Variants in NCKAP5 observed in about 807,000 individuals in gnomAD.
NCKAP5 encodes the protein nck-associated protein 5.
NCKAP5 carries 92 observed loss-of-function variants against 167.0 expected under a neutral mutation model. The ratio of observed to expected loss-of-function variants is 0.55; its 90% CI spans 0.47 to 0.66. The LOEUF (loss-of-function observed/expected upper bound fraction) is 0.66. Among genes scored for constraint, NCKAP5 ranks in the 30% least tolerant of loss-of-function variants. NCKAP5 has a pLI of 0.00. For synonymous variants in NCKAP5, 891 were observed against 877.4 expected (o/e 1.02, Z -0.27); for missense variants, 2,378 against 2,315.0 (o/e 1.03, Z -0.56).
intron 3 of NCKAP5, among the ~76,000 whole-genome samples, chr2:133,421,114 C>T (rs979820203): frequency 1.3e-5 from 2 of 152,146 alleles, no homozygotes; most frequent in Non-Finnish European, 2.9e-5. Flanking sequence ...AAATGCAGAG[C>T]TAGACTCGCC....
At chr2:132,886,370 C>T (rs541387893) in intron 8 of NCKAP5, among the ~76,000 whole-genome samples, 33 of 152,302 alleles carry the variant, frequency 2.2e-4, no homozygotes, top group South Asian at 6.2e-4. Flanking sequence ...CTTAATACTT[C>T]GGCATGTACT....
At position 133,401,031 on chromosome 2, in the gene NCKAP5, G is replaced by C. The variant is rs556880792; in HGVS notation, c.70-97921C>G. Among the ~76,000 whole-genome samples, 5 of 152,282 alleles carry C rather than the reference G, an allele frequency of 3.3e-5. No homozygotes were observed. The East Asian group carries it at 9.7e-4, about 29-fold the overall frequency. ...GGGACCCTAGATAGTTTCCGGATGGGACCTGGTTGCTAGAGGAACCAACCA... is the reference window on the plus strand; with the variant it reads ...GGGACCCTAGATAGTTTCCGGATGGCACCTGGTTGCTAGAGGAACCAACCA... On this transcript the variant is annotated intron_variant, in intron 3 of 19. Transcript: ENST00000409261.
rs138720332 is a variant in NCKAP5 at position 132,959,877 on chromosome 2, T to C, written c.579+3843A>G. On this transcript the variant is annotated intron_variant, in intron 8 of 19. Coordinates refer to ENST00000409261, the MANE Select transcript of NCKAP5 (RefSeq NM_207363.3). ...TGAAAACCCAAACTTTTAAAATACATAGAAAATGCTACAGTCAGGCACTGA... is the reference window on the plus strand; with the variant it reads ...TGAAAACCCAAACTTTTAAAATACACAGAAAATGCTACAGTCAGGCACTGA... 5.4e-4 allele frequency among the ~76,000 whole-genome samples: 82 copies of C among 152,226 alleles called. 1 individual carries two copies. In the East Asian group the frequency reaches 0.015, roughly 28 times the overall value.
intron 6 of NCKAP5, among the ~76,000 whole-genome samples, chr2:133,128,358 T>G (rs1278721955): frequency 6.6e-6 from 1 of 152,226 alleles, no homozygotes; most frequent in Non-Finnish European, 1.5e-5. Context: ...GAATGCAGAT[T>G]GTCCTTCACA....
chr2:133,027,018 T>C lies in NCKAP5; in HGVS notation c.342-32779A>G, dbSNP rs184428803. The stretch of plus-strand genomic sequence containing the variant: ...CCTTACAAAGTGCTGTGAGTCATGC[T>C]GTTGAGAAGGGTGAGAGACTCACTT... On this transcript the variant is annotated intron_variant, in intron 6 of 19. Transcript: ENST00000409261. 3.3e-5 allele frequency among the ~76,000 whole-genome samples: 5 copies of C among 152,320 alleles called. No homozygotes were observed. In the East Asian group the frequency reaches 9.6e-4, roughly 29 times the overall value.
At chr2:133,518,434 A>G (rs1440227589) in intron 2 of NCKAP5, among the ~76,000 whole-genome samples, 1 of 132,292 alleles carries the variant, frequency 7.6e-6, no homozygotes, top group Non-Finnish European at 1.5e-5. Flanking sequence ...AGCTCACTGC[A>G]AGCTCCGCCT....
intron 2 of NCKAP5, among the ~76,000 whole-genome samples, chr2:133,524,277 C>T (rs977653968): frequency 6.6e-6 from 1 of 152,198 alleles, no homozygotes; most frequent in Middle Eastern, 3.2e-3. Context: ...GCAGCAACTA[C>T]CTTTCCTTAG....
chr2:133,541,109 T>C (rs1686198216), intron 2 of NCKAP5, among the ~76,000 whole-genome samples: 2 of 151,068 alleles, frequency 1.3e-5, no homozygotes, highest in Non-Finnish European at 2.9e-5. Flanking sequence ...AATATGCATG[T>C]CACAAATTAT....
intron 16 of NCKAP5, among the ~76,000 whole-genome samples, chr2:132,740,197 C>T (rs1408061022): frequency 2.0e-5 from 3 of 152,158 alleles, no homozygotes; most frequent in African/African-American, 7.2e-5. Flanking sequence ...TTCAGCCAAA[C>T]ATACAATGAG....
intron 1 of NCKAP5, among the ~76,000 whole-genome samples, chr2:133,564,678 C>T (rs190508048): frequency 6.6e-5 from 10 of 152,096 alleles, no homozygotes; most frequent in East Asian, 1.9e-4. Context: ...AGCCAAGGAA[C>T]GTGGAAGGAT....
At chr2:132,961,982 T>TA (rs2076525835) in intron 8 of NCKAP5, among the ~76,000 whole-genome samples, 1 of 152,200 alleles carries the variant, frequency 6.6e-6, no homozygotes, top group Non-Finnish European at 1.5e-5. Flanking sequence ...TGACTATCTT[T>TA]AAAAAATGAC....
chr2:133,260,513 A>T (rs990903918), intron 4 of NCKAP5, among the ~76,000 whole-genome samples: 1 of 152,218 alleles, frequency 6.6e-6, no homozygotes, highest in Non-Finnish European at 1.5e-5. Flanking sequence ...ATATTTAGAT[A>T]GCCCTACATG....
chr2:133,181,828 G>C (rs796100365), intron 5 of NCKAP5, among the ~76,000 whole-genome samples: 4 of 151,948 alleles, frequency 2.6e-5, no homozygotes, highest in Admixed American at 1.3e-4. Flanking sequence ...TTGTACAGTG[G>C]ATTTAAAAAC....
At chr2:133,547,311 G>A (rs1038880745) in intron 2 of NCKAP5, among the ~76,000 whole-genome samples, 9 of 152,182 alleles carry the variant, frequency 5.9e-5, no homozygotes, top group Non-Finnish European at 8.8e-5. Flanking sequence ...AGGGGCACCC[G>A]CCATTGCCCA....
the NCKAP5 span, among the ~76,000 whole-genome samples, chr2:133,657,456 CTG>C: frequency 1.3e-5 from 2 of 152,232 alleles, no homozygotes; most frequent in African/African-American, 2.4e-5. Context: ...TAAATAAAAA[CTG>C]TGCTTAATAT....
the NCKAP5 span, among the ~76,000 whole-genome samples, chr2:133,647,384 G>A: frequency 1.6e-3 from 170 of 107,046 alleles, 6 homozygotes; most frequent in African/African-American, 8.2e-3. Flanking sequence ...AGAAAGGAAG[G>A]AAGGAAGGAA....
At chr2:133,125,103 C>A (rs979853058) in intron 6 of NCKAP5, among the ~76,000 whole-genome samples, 1 of 152,158 alleles carries the variant, frequency 6.6e-6, no homozygotes, top group Non-Finnish European at 1.5e-5. Context: ...CCAAAGGGAC[C>A]AACAGAGATA....
intron 19 of NCKAP5, among the ~76,000 whole-genome samples, chr2:132,696,794 T>C (rs1048771349): frequency 6.6e-6 from 1 of 152,188 alleles, no homozygotes; most frequent in Non-Finnish European, 1.5e-5. Context: ...TAACCATCCA[T>C]AAGTGAGGAC....
At chr2:132,781,605 G>A (rs535830206) in intron 14 of NCKAP5, among the ~76,000 whole-genome samples, 4 of 152,108 alleles carry the variant, frequency 2.6e-5, no homozygotes, top group Admixed American at 6.5e-5. Flanking sequence ...GCTTTAAAAC[G>A]TATGTGTAAT....
Sources: allele counts gnomAD v4.1 joint callset (sites outside exome capture counted in the v4.1 genomes callset), GRCh38; gene constraint gnomAD v4.1.1; transcripts MANE v1.5; gene names NCBI Gene and HGNC (gene_info 2026-07-23, HGNC 2026-07-21).